The following PDE4D variants were observed in gnomAD, a reference collection of about 807,000 sequenced individuals.
PDE4D encodes 3',5'-cyclic-AMP phosphodiesterase 4D.
Under a neutral mutation model 87.4 loss-of-function variants are expected in PDE4D, and 24 were observed. The ratio of observed to expected loss-of-function variants is 0.27; its 90% CI spans 0.20 to 0.39. The LOEUF (loss-of-function observed/expected upper bound fraction) is 0.39, where lower values mean the gene tolerates loss of function less well. Ranked by LOEUF, PDE4D falls within the 10% of genes least tolerant of loss-of-function variation. PDE4D has a pLI of 1.00. For synonymous variants in PDE4D, 384 were observed against 383.2 expected (o/e 1.00, Z -0.02); for missense variants, 714 against 1,041.0 (o/e 0.69, Z 4.32).
intron 1 of PDE4D, among the ~76,000 whole-genome samples, chr5:59,296,801 G>A (rs1343636172): frequency 3.3e-5 from 5 of 151,680 alleles, no homozygotes; most frequent in Non-Finnish European, 5.9e-5. Context: ...ACACACACGC[G>A]TGCATGCACG....
chr5:60,422,754 T>A (rs1436914791), intron 1 of PDE4D, among the ~76,000 whole-genome samples: 2 of 152,194 alleles, frequency 1.3e-5, no homozygotes, highest in Non-Finnish European at 2.9e-5. Context: ...ACTGGCAAAT[T>A]GGATAAAGAG....
At chr5:59,735,035 CTCAGAAAAA>C (rs1271672326) in intron 1 of PDE4D, among the ~76,000 whole-genome samples, 1 of 152,138 alleles carries the variant, frequency 6.6e-6, no homozygotes, top group African/African-American at 2.4e-5. Context: ...GTTTCTTCTA[CTCAGAAAAA>C]TATCAGATTT....
intron 2 of PDE4D, among the ~76,000 whole-genome samples, chr5:60,157,855 TTC>T (rs1337543241): frequency 1.3e-5 from 2 of 151,616 alleles, no homozygotes; most frequent in Non-Finnish European, 2.9e-5. Context: ...TTCTTTTCTT[TTC>T]TTTTTTCTTT....
At chr5:59,412,930 G>C (rs1287884295) in intron 1 of PDE4D, among the ~76,000 whole-genome samples, 3 of 152,090 alleles carry the variant, frequency 2.0e-5, no homozygotes, top group Non-Finnish European at 4.4e-5. Flanking sequence ...TCTGTATCTT[G>C]GCATTGCTGG....
chr5:58,977,453 G>A, intron 11 of PDE4D, 108 bp from the exon 12 acceptor site: 1 of 928,422 alleles, frequency 1.1e-6, no homozygotes, highest in Admixed American at 2.3e-5. Context: ...CTTCTCTGCT[G>A]CCCTTATCAT....
chr5:59,106,225 C>G (rs1446155142), intron 5 of PDE4D, among the ~76,000 whole-genome samples: 4 of 152,114 alleles, frequency 2.6e-5, no homozygotes, highest in Non-Finnish European at 5.9e-5. Flanking sequence ...TGTGAACTAC[C>G]TAAGGGCTCA....
intron 5 of PDE4D, among the ~76,000 whole-genome samples, chr5:59,071,683 CTTT>C (rs10701223): frequency 1.1e-3 from 90 of 82,386 alleles, no homozygotes; most frequent in Non-Finnish European, 1.5e-3. Flanking sequence ...TATTTCTCTT[CTTT>C]TTTTTTTTTT....
At chr5:60,197,018 C>CAGAT (rs201360208) in intron 1 of PDE4D, among the ~76,000 whole-genome samples, 13,182 of 122,924 alleles carry the variant, frequency 0.11, 1,107 homozygotes, top group East Asian at 0.19. Context: ...ACAAGATAGG[C>CAGAT]AGATAGATAG....
chr5:59,759,368 T>C (rs1037848046), intron 1 of PDE4D, among the ~76,000 whole-genome samples: 1 of 152,186 alleles, frequency 6.6e-6, no homozygotes, highest in African/African-American at 2.4e-5. Context: ...GATTTTACCA[T>C]CAGTAGCAAC....
chr5:59,407,429 C>T (rs1316468435), intron 1 of PDE4D, among the ~76,000 whole-genome samples: 1 of 152,140 alleles, frequency 6.6e-6, no homozygotes, highest in Non-Finnish European at 1.5e-5. Flanking sequence ...TTCTTTATTG[C>T]AATGCCACAA....
chr5:59,626,954 T>A (rs966046808), intron 1 of PDE4D, among the ~76,000 whole-genome samples: 2 of 152,178 alleles, frequency 1.3e-5, no homozygotes, highest in African/African-American at 4.8e-5. Context: ...TCTATAATCC[T>A]CCAATTATAA....
chr5:59,641,830 A>G (rs1455264026), intron 1 of PDE4D, among the ~76,000 whole-genome samples: 1 of 152,236 alleles, frequency 6.6e-6, no homozygotes, highest in African/African-American at 2.4e-5. Context: ...GAAAGTAGAC[A>G]CTAATATATT....
rs956115042 is a variant in PDE4D, at chr5:59,561,529, GT to G, written c.455+331638del. Among the ~76,000 whole-genome samples, 81 of 152,184 alleles carry G rather than the reference GT, an allele frequency of 5.3e-4. 2 individuals carry two copies. The highest frequency in any genetic ancestry group is 4.9e-3 in the Admixed American group (75 of 15,288). ...ATGGATTTACTTATAATTAGTTTTT[GT>G]TTTTGGAAATTTGAAAAATGCAAAG... On this transcript the variant is annotated intron_variant, in intron 1 of 14. Transcript: ENST00000340635.
At chr5:59,989,152 T>G (rs930354521) in intron 2 of PDE4D, among the ~76,000 whole-genome samples, 1 of 144,380 alleles carries the variant, frequency 6.9e-6, no homozygotes, top group Non-Finnish European at 1.5e-5. Context: ...CACTTGATAA[T>G]GATCCATTCT....
intron 1 of PDE4D, among the ~76,000 whole-genome samples, chr5:60,317,717 C>G (rs991368227): frequency 1.4e-4 from 22 of 152,158 alleles, no homozygotes; most frequent in African/African-American, 5.1e-4. Flanking sequence ...CAAAGAACAT[C>G]TTTATTTCTG....
At chr5:60,121,548 T>C (rs1204242305) in intron 2 of PDE4D, among the ~76,000 whole-genome samples, 1 of 152,120 alleles carries the variant, frequency 6.6e-6, no homozygotes, top group African/African-American at 2.4e-5. Flanking sequence ...TGGAAACCCC[T>C]GATAAAACCA....
chr5:59,595,621 C>T (rs1826562181), intron 1 of PDE4D, among the ~76,000 whole-genome samples: 1 of 152,146 alleles, frequency 6.6e-6, no homozygotes, highest in South Asian at 2.1e-4. Flanking sequence ...AACCTCTCCA[C>T]TCTCACAGGT....
chr5:59,180,506 G>T (rs1741273938), intron 5 of PDE4D, 89 bp downstream of exon 5: 5 of 965,010 alleles, frequency 5.2e-6, no homozygotes, highest in Admixed American at 3.9e-5. Flanking sequence ...TCAAATTGCA[G>T]CATGAAATTG....
At chr5:59,571,491 G>C (rs893059546) in intron 1 of PDE4D, among the ~76,000 whole-genome samples, 1 of 152,160 alleles carries the variant, frequency 6.6e-6, no homozygotes, top group Non-Finnish European at 1.5e-5. Context: ...GAGAGGTGGG[G>C]GAAAGTGGCC....
Sources: gnomAD v4.1 joint callset for allele counts (sites outside exome capture counted in the v4.1 genomes callset) on GRCh38, gnomAD v4.1.1 for gene constraint, MANE v1.5 for transcripts, NCBI Gene and HGNC (gene_info 2026-07-23, HGNC 2026-07-21) for gene names.